Variants in EML5 observed in about 807,000 individuals in gnomAD.
The protein encoded by EML5 is echinoderm microtubule-associated protein-like 5.
In EML5, 120 loss-of-function variants were observed where a neutral mutation model predicts 250.0. The ratio of observed to expected loss-of-function variants is 0.48; its 90% confidence interval spans 0.41 to 0.56. The LOEUF (loss-of-function observed/expected upper bound fraction) is 0.56. EML5 is among the 20% of genes least tolerant of loss of function. The pLI is 0.00. For synonymous variants in EML5, 771 were observed against 806.5 expected, an observed-to-expected ratio of 0.96 and a Z score of 0.75; for missense variants, 2,006 against 2,437.6, an observed-to-expected ratio of 0.82 and a Z score of 3.73.
chr14:88,724,950 T>C (rs1234615537), intron 8 of EML5, among the ~76,000 whole-genome samples: 2 of 152,194 alleles, frequency 1.3e-5, no homozygotes, highest in Non-Finnish European at 2.9e-5. Flanking sequence ...GGAGGTTTCG[T>C]AGTCTTTCAT....
intron 20 of EML5, among the ~76,000 whole-genome samples, chr14:88,683,216 T>C (rs1374795207): frequency 7.4e-6 from 1 of 135,784 alleles, no homozygotes; most frequent in Non-Finnish European, 1.6e-5. Flanking sequence ...GGCTAAACCG[T>C]AGGCCAGCTA....
rs562265181 is a variant in EML5 at position 88,629,412 on chromosome 14, C to T, written c.4358-1593G>A. On this transcript the variant is annotated intron_variant, in intron 33 of 43. Coordinates refer to ENST00000554922, the MANE Select transcript of EML5 (RefSeq NM_183387.3). ...ATTTATGTTTTAAAACGTATAGGTA[C>T]GTAAGGTAATGGAATTGTCACACAC... 1.9e-4 allele frequency among the ~76,000 whole-genome samples: 29 copies of T among 152,144 alleles called. No homozygotes were observed. The South Asian group carries it at 3.1e-3, about 16-fold the overall frequency.
chr14:88,686,268 G>A (rs550256613), intron 19 of EML5, among the ~76,000 whole-genome samples: 1 of 152,216 alleles, frequency 6.6e-6, no homozygotes, highest in Non-Finnish European at 1.5e-5. Flanking sequence ...GTCAGAGAGA[G>A]TGTGGTGCTA....
chr14:88,656,320 A>G (rs2091868112), intron 27 of EML5, among the ~76,000 whole-genome samples: 1 of 152,186 alleles, frequency 6.6e-6, no homozygotes, highest in South Asian at 2.1e-4. Context: ...CTTTGCAGGG[A>G]CATGGATGAA....
chr14:88,724,434 T>C (rs1261600856), intron 8 of EML5, among the ~76,000 whole-genome samples: 1 of 150,872 alleles, frequency 6.6e-6, no homozygotes, highest in African/African-American at 2.5e-5. Flanking sequence ...TAAAGGCATT[T>C]AATAATCAGA....
chr14:88,651,683 T>C (rs2091635471), intron 27 of EML5, among the ~76,000 whole-genome samples: 1 of 151,988 alleles, frequency 6.6e-6, no homozygotes, highest in Non-Finnish European at 1.5e-5. Flanking sequence ...AACACTACAC[T>C]TCAAATATTC....
chr14:88,774,253 G>C (rs543685109), intron 1 of EML5, among the ~76,000 whole-genome samples: 3 of 152,210 alleles, frequency 2.0e-5, no homozygotes, highest in African/African-American at 4.8e-5. Flanking sequence ...TAACTTTCCA[G>C]GTGATGCCGT....
At chr14:88,756,735 G>C (rs1296153151) in intron 1 of EML5, among the ~76,000 whole-genome samples, 1 of 152,072 alleles carries the variant, frequency 6.6e-6, no homozygotes, top group Non-Finnish European at 1.5e-5. Context: ...ACTTACAGTA[G>C]CATCAAGAGG....
At chr14:88,628,414 T>TA (rs968951696) in intron 33 of EML5, among the ~76,000 whole-genome samples, 5 of 152,010 alleles carry the variant, frequency 3.3e-5, no homozygotes, top group African/African-American at 7.2e-5. Context: ...TGCTAATCTT[T>TA]AAAAAAATGT....
intron 7 of EML5, among the ~76,000 whole-genome samples, chr14:88,734,772 T>A (rs2093813512): frequency 6.6e-6 from 1 of 152,070 alleles, no homozygotes; most frequent in African/African-American, 2.4e-5. Context: ...GAACACAGAC[T>A]ATGTTAAAAT....
intron 1 of EML5, among the ~76,000 whole-genome samples, chr14:88,790,965 A>G (rs1240993893): frequency 6.6e-6 from 1 of 152,224 alleles, no homozygotes; most frequent in East Asian, 1.9e-4. Context: ...TACCTTTTCA[A>G]AGTAATACAT....
chr14:88,657,149 A>G (rs931301776), intron 27 of EML5, among the ~76,000 whole-genome samples: 4 of 152,086 alleles, frequency 2.6e-5, no homozygotes, highest in African/African-American at 9.7e-5. Context: ...ACACACCACT[A>G]AACCTGGATT....
chr14:88,622,720 T>G lies in EML5; in HGVS notation c.4899-2A>C. 6.3e-7 allele frequency: 1 copy of G among 1,596,412 alleles called. No homozygotes were observed. The highest frequency in any genetic ancestry group is 8.5e-7 in the Non-Finnish European group (1 of 1,171,040). ...TTAACCGCTCCTCCTTCTTTTGACC[T>G]AAGTAAATAACCAAGCCAGAGTAAG... On this transcript the variant is annotated splice_acceptor_variant, in intron 36 of 43. Coordinates refer to ENST00000554922, the MANE Select transcript of EML5 (RefSeq NM_183387.3). LOFTEE classifies it high-confidence loss of function.
At chr14:88,702,306 T>C in intron 14 of EML5, 140 bp downstream of exon 14, 1 of 596,984 alleles carries the variant, frequency 1.7e-6, no homozygotes. Flanking sequence ...TAAATTTTAT[T>C]TATAATCTGA....
In EML5 at chr14:88,678,510, T is replaced by A. The variant is rs920211497; in HGVS notation, c.3124+3380A>T. Among the ~76,000 whole-genome samples the A allele has an allele frequency of 3.9e-5, 6 of 152,190 alleles. No individual in the cohort carries two copies. The South Asian group carries it at 1.2e-3, about 32-fold the overall frequency. On this transcript the variant is annotated intron_variant, in intron 21 of 43. Coordinates refer to ENST00000554922, the MANE Select transcript of EML5 (RefSeq NM_183387.3). Reference sequence around the variant, plus strand: ...CGGCATAGCAGACTAGTCTTGCACCTGAACCTCCTAGACAAAACTGGAATT... The same window carrying A: ...CGGCATAGCAGACTAGTCTTGCACCAGAACCTCCTAGACAAAACTGGAATT...
chr14:88,664,577 T>C lies in EML5; in HGVS notation c.3325A>G (p.Ile1109Val), dbSNP rs2092250002. The change falls in exon 23 of 44, where the codon ATA becomes GTA. Residue 1109 changes from isoleucine (I) to valine (V), a missense_variant. Physicochemically the swap from Ile to Val is conservative, Grantham distance 29. This residue lies in a region of EML5 where 1,375 missense variants were observed against 1,590.3 expected (regional missense o/e 0.86). Coordinates refer to ENST00000554922, the MANE Select transcript of EML5 (RefSeq NM_183387.3). Reference sequence around the variant, plus strand: ...CGTTTACTACTCATTACATTGTATATATCTATAAAGCTGTCATGGGATGCT... The same window carrying C: ...CGTTTACTACTCATTACATTGTATACATCTATAAAGCTGTCATGGGATGCT... ...AVASHDSFID[I>V]YNVMSSKRVG... The C allele has an allele frequency of 1.2e-6, 2 of 1,610,774 alleles. No individual in the cohort carries two copies. The highest frequency in any genetic ancestry group is 8.5e-7 in the Non-Finnish European group (1 of 1,178,772).
intron 1 of EML5, among the ~76,000 whole-genome samples, chr14:88,786,884 C>T (rs933893031): frequency 3.9e-5 from 6 of 152,108 alleles, no homozygotes; most frequent in African/African-American, 1.2e-4. Context: ...AGCATGAAAA[C>T]GGACTAATGA....
intron 8 of EML5, among the ~76,000 whole-genome samples, chr14:88,723,120 G>T (rs917197259): frequency 1.3e-5 from 2 of 152,058 alleles, no homozygotes; most frequent in Non-Finnish European, 2.9e-5. Context: ...TTCTTAAAAA[G>T]GAAGAAAATT....
At chr14:88,737,434 A>G (rs1257486219) in intron 6 of EML5, among the ~76,000 whole-genome samples, 2 of 152,174 alleles carry the variant, frequency 1.3e-5, no homozygotes, top group Non-Finnish European at 2.9e-5. Flanking sequence ...ATCCAGCCAG[A>G]GTATAAGCCA....
Sources: gnomAD v4.1 joint callset for allele counts (sites outside exome capture counted in the v4.1 genomes callset) on GRCh38, gnomAD v4.1.1 for gene constraint, gnomAD v4.1.1 regional missense constraint, MANE v1.5 for transcripts, NCBI Gene and HGNC (gene_info 2026-07-23, HGNC 2026-07-21) for gene names.